The following CDC123 variants were observed in gnomAD, a reference collection of about 807,000 sequenced individuals.
CDC123 encodes the protein translation initiation factor eIF2 assembly protein.
Under a neutral mutation model 54.4 loss-of-function variants are expected in CDC123, and 37 were observed. The observed-to-expected ratio is 0.68, with a 90% confidence interval of 0.52 to 0.89. CDC123 has a LOEUF of 0.89. CDC123 is among the 40% of genes least tolerant of loss of function. The pLI, the probability that CDC123 is intolerant of heterozygous loss-of-function variation, is 0.00. For synonymous variants in CDC123, 144 were observed against 136.8 expected (o/e 1.05, Z -0.37); for missense variants, 361 against 412.1 (o/e 0.88, Z 1.07).
chr10:12,230,573 A>T (rs905238449), intron 6 of CDC123, among the ~76,000 whole-genome samples: 2 of 152,224 alleles, frequency 1.3e-5, no homozygotes, highest in Non-Finnish European at 2.9e-5. Context: ...GTTCCACTCA[A>T]ACATGTATCC....
At chr10:12,201,306 AAC>A (rs1835436343) in intron 2 of CDC123, among the ~76,000 whole-genome samples, 1 of 152,240 alleles carries the variant, frequency 6.6e-6, no homozygotes, top group South Asian at 2.1e-4. Context: ...GAACATAGCA[AAC>A]ACACAAGAGA....
Position 12,243,546 on chromosome 10 carries a change from T to C in CDC123, c.718-2603T>C, listed in dbSNP as rs539510935. ...GGTCACGCCTGTAATCCCAACACTTTGGGAGGCTGAGGCAGGCAGATCACG... is the reference window on the plus strand; with the variant it reads ...GGTCACGCCTGTAATCCCAACACTTCGGGAGGCTGAGGCAGGCAGATCACG... On this transcript the variant is annotated intron_variant, in intron 10 of 12. Coordinates refer to ENST00000281141, the MANE Select transcript of CDC123 (RefSeq NM_006023.3). Among the ~76,000 whole-genome samples, 11 of 152,084 alleles carry C rather than the reference T, an allele frequency of 7.2e-5. 2 individuals carry two copies. The highest frequency in any genetic ancestry group is 2.4e-4 in the African/African-American group (10 of 41,484).
At chr10:12,206,958 CAAAAA>C (rs35906839) in intron 2 of CDC123, among the ~76,000 whole-genome samples, 2 of 100,918 alleles carry the variant, frequency 2.0e-5, no homozygotes, top group Admixed American at 1.1e-4. Flanking sequence ...GACTCCATCT[CAAAAA>C]AAAAAAAAAA....
intron 6 of CDC123, among the ~76,000 whole-genome samples, chr10:12,220,284 TA>T (rs773820353): frequency 2.0e-5 from 3 of 152,240 alleles, no homozygotes; most frequent in Non-Finnish European, 2.9e-5. Context: ...TGCCTCCTCT[TA>T]AGCTACGTCT....
At chr10:12,202,782 A>G (rs1324604991) in intron 2 of CDC123, among the ~76,000 whole-genome samples, 2 of 152,252 alleles carry the variant, frequency 1.3e-5, no homozygotes, top group African/African-American at 4.8e-5. Flanking sequence ...TGGGAGCCCA[A>G]GGCGGGCGGA....
chr10:12,206,983 G>A (rs1835531806), intron 2 of CDC123, among the ~76,000 whole-genome samples: 1 of 150,218 alleles, frequency 6.7e-6, no homozygotes, highest in Admixed American at 6.7e-5. Flanking sequence ...AAAAAGATTG[G>A]AAGCATTATT....
intron 1 of CDC123, among the ~76,000 whole-genome samples, chr10:12,196,798 G>T (rs558158323): frequency 1.1e-4 from 16 of 152,172 alleles, no homozygotes; most frequent in Non-Finnish European, 1.8e-4. Flanking sequence ...ACGGAGAGTG[G>T]ATGTTAGTGT....
intron 10 of CDC123, among the ~76,000 whole-genome samples, chr10:12,243,989 C>G (rs781268085): frequency 3.9e-5 from 6 of 152,162 alleles, no homozygotes; most frequent in Non-Finnish European, 8.8e-5. Context: ...GAGGAAACAA[C>G]TCAAGCGGTG....
Position 12,250,437 on chromosome 10 carries a change from G to A in CDC123, c.*100G>A, listed in dbSNP as rs1261247056. On this transcript the variant is annotated 3_prime_UTR_variant, in exon 13 of 13. Transcript: ENST00000281141. ...GCCGACCCTGATGCGGGTGGGCCGA[G>A]CAGTGTGGACATCAGCCACTTTTTA... 3.4e-6 allele frequency: 3 copies of A among 894,040 alleles called. No individual in the cohort carries two copies. Among genetic ancestry groups the A allele is most frequent in the Non-Finnish European group, 1.9e-6 (1 of 524,670 alleles). 55.4% of individuals were successfully genotyped at this position (894,040 alleles called of 1,614,324 possible).
rs1468026958 is a variant in CDC123 at position 12,224,302 on chromosome 10, TCTTTC to T, written c.441-6640_441-6636del. On this transcript the variant is annotated intron_variant, in intron 6 of 12. Transcript: ENST00000281141. ...TTTTCTTTTCCTTTCTTTTTTTTTT[TCTTTC>T]CTTTCTAAAAATTTGTGTCTATAAC... 3.3e-5 allele frequency among the ~76,000 whole-genome samples: 5 copies of T among 152,010 alleles called. No homozygotes were observed. The East Asian group carries it at 9.6e-4, about 29-fold the overall frequency.
At chr10:12,222,854 C>G (rs1366825553) in intron 6 of CDC123, among the ~76,000 whole-genome samples, 1 of 151,986 alleles carries the variant, frequency 6.6e-6, no homozygotes, top group African/African-American at 2.4e-5. Flanking sequence ...CCCACAGTCC[C>G]AGACCGACAT....
At chr10:12,246,038 G>C (rs1836130436) in intron 10 of CDC123, 111 bp from the exon 11 acceptor site, 30 of 1,203,462 alleles carry the variant, frequency 2.5e-5, no homozygotes, top group Non-Finnish European at 2.9e-5. Flanking sequence ...CCAGTGCACT[G>C]CAGCCTGGGC....
At chr10:12,201,841 A>G (rs557492872) in intron 2 of CDC123, among the ~76,000 whole-genome samples, 1 of 152,290 alleles carries the variant, frequency 6.6e-6, no homozygotes, top group African/African-American at 2.4e-5. Context: ...GAGACCTGCT[A>G]GTGGCTTGAA....
intron 6 of CDC123, among the ~76,000 whole-genome samples, chr10:12,228,927 C>G (rs902725963): frequency 3.3e-5 from 5 of 152,146 alleles, no homozygotes; most frequent in Non-Finnish European, 7.4e-5. Context: ...GTTGCTCAGA[C>G]TGGTCTCGAG....
chr10:12,243,354 C>T lies in CDC123; in HGVS notation c.718-2795C>T, dbSNP rs144782142. Among the ~76,000 whole-genome samples the T allele has an allele frequency of 6.0e-3, 893 of 149,258 alleles. 12 individuals are homozygous for T. The highest frequency in any genetic ancestry group is 0.021 in the African/African-American group (861 of 40,444). Reference sequence around the variant, plus strand: ...GGGAAGTTGCAGTGAGCCGAGATCTCACCATTGCACTCCTGCCTGGGCAAC... The same window carrying T: ...GGGAAGTTGCAGTGAGCCGAGATCTTACCATTGCACTCCTGCCTGGGCAAC... On this transcript the variant is annotated intron_variant, in intron 10 of 12. Coordinates refer to ENST00000281141, the MANE Select transcript of CDC123 (RefSeq NM_006023.3).
At chr10:12,208,792 G>T (rs916773978) in intron 2 of CDC123, among the ~76,000 whole-genome samples, 1 of 152,236 alleles carries the variant, frequency 6.6e-6, no homozygotes, top group South Asian at 2.1e-4. Flanking sequence ...TTCTGCTCCC[G>T]CCAGTCCAAC....
rs938630108 is a variant in CDC123, at chr10:12,215,953, G to C, written c.333+118G>C. 8.6e-6 allele frequency: 5 copies of C among 579,412 alleles called. No individual in the cohort carries two copies. In the African/African-American group the frequency reaches 9.8e-5, roughly 11 times the overall value. 35.9% of individuals were successfully genotyped at this position (579,412 alleles called of 1,614,324 possible). ...TCCTAATTCTAGGAAAAATACTGTG[G>C]AATTTATTATTAATTTCCCTCTACT... is the stretch of plus-strand genomic sequence containing the variant. On this transcript the variant is annotated intron_variant, in intron 5 of 12. Coordinates refer to ENST00000281141, the MANE Select transcript of CDC123 (RefSeq NM_006023.3).
chr10:12,224,297 T>C (rs985415837), intron 6 of CDC123, among the ~76,000 whole-genome samples: 1 of 151,934 alleles, frequency 6.6e-6, no homozygotes, highest in African/African-American at 2.4e-5. Flanking sequence ...CTTTCTTTTT[T>C]TTTTTCTTTC....
rs1564430070 is a variant in CDC123 at position 12,196,188 on chromosome 10, A to G, written c.-58A>G. 3.7e-6 allele frequency: 6 copies of G among 1,611,868 alleles called. No individual in the cohort carries two copies. The highest frequency in any genetic ancestry group is 5.1e-6 in the Non-Finnish European group (6 of 1,178,968). On this transcript the variant is annotated 5_prime_UTR_variant, in exon 1 of 13. Coordinates refer to ENST00000281141, the MANE Select transcript of CDC123 (RefSeq NM_006023.3). ...GCGGGCACTTCCGGGGCCGGCGCCCAGAGTTCCGGGAGGGTGCAGGCAGGA... is the reference window on the plus strand; with the variant it reads ...GCGGGCACTTCCGGGGCCGGCGCCCGGAGTTCCGGGAGGGTGCAGGCAGGA...
Sources: gnomAD v4.1 joint callset for allele counts (sites outside exome capture counted in the v4.1 genomes callset) on GRCh38, gnomAD v4.1.1 for gene constraint, MANE v1.5 for transcripts, NCBI Gene and HGNC (gene_info 2026-07-23, HGNC 2026-07-21) for gene names.